NOX3: variants seen among roughly 807,000 people sequenced by gnomAD.
NOX3 encodes the protein NADPH oxidase catalytic subunit-like 3.
NOX3 carries 74 observed loss-of-function variants against 76.7 expected under a neutral mutation model. The observed-to-expected ratio is 0.96, with a 90% CI of 0.80 to 1.17. The LOEUF is 1.17. NOX3 is among the 50% of genes most tolerant of loss of function. The pLI is 0.00. For synonymous variants in NOX3, 263 were observed against 261.1 expected (o/e 1.01, Z -0.07); for missense variants, 695 against 703.3 (o/e 0.99, Z 0.13).
At chr6:155,438,380 G>C (rs1339819117) in intron 6 of NOX3, among the ~76,000 whole-genome samples, 2 of 152,220 alleles carry the variant, frequency 1.3e-5, no homozygotes, top group African/African-American at 4.8e-5. Context: ...AAAGCCTCTA[G>C]CCAGGCAGCA....
At chr6:155,453,024 A>C (rs1777167392) in intron 4 of NOX3, among the ~76,000 whole-genome samples, 1 of 152,090 alleles carries the variant, frequency 6.6e-6, no homozygotes, top group Non-Finnish European at 1.5e-5. Flanking sequence ...CCACAATACT[A>C]TTTGACAGTC....
intron 9 of NOX3, among the ~76,000 whole-genome samples, chr6:155,427,982 C>T (rs2114693620): frequency 6.6e-6 from 1 of 152,278 alleles, no homozygotes; most frequent in South Asian, 2.1e-4. Flanking sequence ...CTCACTGCAA[C>T]CTCTGCCTCC....
chr6:155,413,879 T>C (rs965993631), intron 10 of NOX3, among the ~76,000 whole-genome samples: 1 of 152,176 alleles, frequency 6.6e-6, no homozygotes, highest in Admixed American at 6.5e-5. Context: ...ATTTGCTTTA[T>C]AAAAAAATCC....
intron 12 of NOX3, among the ~76,000 whole-genome samples, chr6:155,399,800 ATTC>A (rs1779199810): frequency 6.6e-6 from 1 of 152,018 alleles, no homozygotes; most frequent in Non-Finnish European, 1.5e-5. Flanking sequence ...TAAAGAAAAA[ATTC>A]TTCTATAAAA....
intron 5 of NOX3, 72 bp from the exon 6 acceptor site, chr6:155,440,209 A>G (rs557273935): frequency 1.1e-6 from 1 of 913,590 alleles, no homozygotes; most frequent in African/African-American, 1.8e-5. Context: ...ATCCTGGCAT[A>G]TTTTTTTTTT....
Position 155,429,016 on chromosome 6 carries a change from A to G in NOX3, c.923T>C (p.Leu308Pro). ...TTTAAAGCCACGCTTTTTCATGTGA[A>G]GTTCCAGGACTCCAGAGGGGTGGCT... ...VVSHPSGVLE[L>P]HMKKRGFKMA... The change falls in exon 9 of 14, where the codon CTT becomes CCT. Residue 308 changes from leucine to proline, a missense_variant. Physicochemically the swap from Leu to Pro is moderately conservative, Grantham distance 98. Coordinates refer to ENST00000159060, the MANE Select transcript of NOX3 (RefSeq NM_015718.3). 6.2e-7 allele frequency: 1 copy of G among 1,609,784 alleles called. No homozygotes were observed. Among genetic ancestry groups the G allele is most frequent in the Non-Finnish European group, 8.5e-7 (1 of 1,177,134 alleles).
chr6:155,401,123 G>A (rs1203934051), intron 12 of NOX3, among the ~76,000 whole-genome samples: 2 of 152,094 alleles, frequency 1.3e-5, no homozygotes, highest in Non-Finnish European at 2.9e-5. Flanking sequence ...TTGATAGATA[G>A]GTAATGCCAT....
At chr6:155,398,323 A>C (rs138089589) in intron 12 of NOX3, among the ~76,000 whole-genome samples, 153 of 152,316 alleles carry the variant, frequency 1.0e-3, no homozygotes, top group African/African-American at 3.4e-3. Context: ...TCATCAAGAC[A>C]TTCTTTGGGC....
intron 11 of NOX3, among the ~76,000 whole-genome samples, 198 bp from the exon 12 acceptor site, chr6:155,407,452 G>T (rs1562458565): frequency 6.6e-6 from 1 of 152,168 alleles, no homozygotes; most frequent in Non-Finnish European, 1.5e-5. Context: ...TCTGAATCAG[G>T]CCTTGTTGGA....
intron 4 of NOX3, among the ~76,000 whole-genome samples, chr6:155,445,876 ATATATATATGCTATATATATATAT>A (rs1562471994): frequency 2.4e-5 from 3 of 122,822 alleles, no homozygotes; most frequent in East Asian, 4.8e-4. Context: ...ATACATATAT[ATATATATATGCTATATATATATAT>A]TATATATATG....
At chr6:155,430,812 C>CT in intron 8 of NOX3, 31 bp downstream of exon 8, 2 of 1,487,582 alleles carry the variant, frequency 1.3e-6, no homozygotes, top group Non-Finnish European at 1.9e-6. Context: ...TACACTCAGG[C>CT]TTTTATTCAG....
At chr6:155,426,024 T>C (rs1172547656) in intron 9 of NOX3, among the ~76,000 whole-genome samples, 1 of 152,216 alleles carries the variant, frequency 6.6e-6, no homozygotes, top group Non-Finnish European at 1.5e-5. Flanking sequence ...TAAAAAGATA[T>C]AGTGCTCTCC....
chr6:155,399,875 G>T (rs992172652), intron 12 of NOX3, among the ~76,000 whole-genome samples: 4 of 152,114 alleles, frequency 2.6e-5, no homozygotes, highest in Admixed American at 2.0e-4. Context: ...GTATAAAAAC[G>T]CAAGGTGCTA....
chr6:155,436,337 T>C, intron 7 of NOX3, 81 bp downstream of exon 7: 1 of 1,521,536 alleles, frequency 6.6e-7, no homozygotes, highest in Non-Finnish European at 9.1e-7. Flanking sequence ...GAAATGTGCT[T>C]TCTTTTTTCC....
In NOX3 at chr6:155,407,205, C is replaced by A; in HGVS notation, c.1505G>T (p.Gly502Val). ...HWDENTDVIT[G>V]LKQKTFYGRP... ...CCCATAGAAGGTCTTCTGCTTTAAG[C>A]CTGTAATCACGTCAGTATTTTCGTC... Residue 502 changes from glycine to valine, a missense_variant, in exon 12 of 14, where the codon GGC becomes GTC. By Grantham distance (109) the Gly-to-Val change is moderately radical. Coordinates refer to ENST00000159060, the MANE Select transcript of NOX3 (RefSeq NM_015718.3). 1 of 1,613,940 alleles carries A rather than the reference C, an allele frequency of 6.2e-7. No individual in the cohort carries two copies. The highest frequency in any genetic ancestry group is 8.5e-7 in the Non-Finnish European group (1 of 1,179,934).
intron 10 of NOX3, among the ~76,000 whole-genome samples, chr6:155,412,492 C>T (rs1477072126): frequency 6.6e-6 from 1 of 152,166 alleles, no homozygotes; most frequent in East Asian, 1.9e-4. Context: ...AATAAGGCCT[C>T]TTCTTTCAAA....
intron 10 of NOX3, 77 bp from the exon 11 acceptor site, chr6:155,411,437 A>C: frequency 6.8e-5 from 93 of 1,375,260 alleles, no homozygotes; most frequent in Middle Eastern, 1.9e-4. Flanking sequence ...CTTTATCTCC[A>C]TTAAATTATT....
Position 155,440,110 on chromosome 6 carries a change from T to C in NOX3, c.514A>G (p.Ile172Val). 1.9e-6 allele frequency: 3 copies of C among 1,610,404 alleles called. No individual in the cohort carries two copies. The highest frequency in any genetic ancestry group is 2.5e-6 in the Non-Finnish European group (3 of 1,178,644). The change falls in exon 6 of 14, where the codon ATA (isoleucine) becomes GTA (valine). Residue 172 changes from isoleucine (I) to valine (V), a missense_variant. By Grantham distance (29) the Ile-to-Val change is conservative (BLOSUM62 3). Coordinates refer to ENST00000159060, the MANE Select transcript of NOX3 (RefSeq NM_015718.3). Reference protein sequence around the residue: ...TNTTTELLRTIAGVTGLVISL... With the variant: ...TNTTTELLRTVAGVTGLVISL... ...ATCACCAGACCGGTGACGCCTGCTA[T>C]TGTCCTTAGCAATTCAGTGGTTGTG...
intron 12 of NOX3, among the ~76,000 whole-genome samples, chr6:155,399,285 G>A (rs1316644895): frequency 2.0e-5 from 3 of 152,180 alleles, no homozygotes; most frequent in African/African-American, 4.8e-5. Context: ...TTCGTTTGCA[G>A]CAACAGTAAC....
Sources: allele counts gnomAD v4.1 joint callset (sites outside exome capture counted in the v4.1 genomes callset), GRCh38; gene constraint gnomAD v4.1.1; transcripts MANE v1.5; gene names NCBI Gene and HGNC (gene_info 2026-07-23, HGNC 2026-07-21).